PRELID2: variants seen among roughly 807,000 people sequenced by gnomAD.
PRELID2 encodes the protein PRELI domain-containing protein 2.
A neutral mutation model predicts 28.4 loss-of-function variants in PRELID2; 25 were observed. The observed-to-expected ratio is 0.88, with a 90% CI of 0.64 to 1.23. The LOEUF (loss-of-function observed/expected upper bound fraction) is 1.23, where lower values mean the gene tolerates loss of function less well. Ranked by LOEUF, PRELID2 falls within the 50% of genes most tolerant of loss-of-function variation. The pLI is 0.00. For missense variants in PRELID2, 201 were observed against 214.4 expected, an observed-to-expected ratio of 0.94 and a Z score of 0.39; for synonymous variants, 76 against 71.6, an observed-to-expected ratio of 1.06 and a Z score of -0.31.
In PRELID2 at chr5:145,603,437, T is replaced by C. The variant is rs545616229; in HGVS notation, n.71-130122A>G. Among the ~76,000 whole-genome samples the C allele has an allele frequency of 4.6e-5, 7 of 152,296 alleles. No homozygotes were observed. The South Asian group carries it at 6.2e-4, about 14-fold the overall frequency. The stretch of plus-strand genomic sequence containing the variant: ...TCTTCAATGTAGTGAAGTAAAATGA[T>C]TGACAACCTAAAATGTTCTACCAAG... On this transcript the variant is annotated intron_variant and non_coding_transcript_variant, in intron 1 of 2. Transcript: ENST00000510259.
intron 1 of PRELID2, among the ~76,000 whole-genome samples, chr5:145,666,597 C>T (rs982887341): frequency 6.6e-6 from 1 of 152,092 alleles, no homozygotes; most frequent in Non-Finnish European, 1.5e-5. Context: ...CCCTGTGGCA[C>T]AGCGCTCAAG....
At chr5:145,748,547 GC>G (rs1757051986) in intron 1 of PRELID2, among the ~76,000 whole-genome samples, 1 of 152,076 alleles carries the variant, frequency 6.6e-6, no homozygotes, top group Non-Finnish European at 1.5e-5. Flanking sequence ...TGGCCATACT[GC>G]CCCAAGTAAT....
chr5:145,769,231 ATTT>A (rs555098970), intron 5 of PRELID2, among the ~76,000 whole-genome samples: 69 of 151,894 alleles, frequency 4.5e-4, no homozygotes, highest in African/African-American at 1.6e-3. Flanking sequence ...CCCCTCTGAG[ATTT>A]TTTTTTCTCT....
chr5:145,834,206 G>A (rs1755787326), intron 1 of PRELID2, among the ~76,000 whole-genome samples: 3 of 152,162 alleles, frequency 2.0e-5, no homozygotes, highest in African/African-American at 7.2e-5. Flanking sequence ...AAGAAAAATA[G>A]CTCAGAGCAG....
chr5:145,740,285 TATATATATATATATATA>T (rs1756624503), intron 1 of PRELID2, among the ~76,000 whole-genome samples: 1 of 74,344 alleles, frequency 1.3e-5, no homozygotes, highest in Non-Finnish European at 2.8e-5. Context: ...TATATATATA[TATATATATATATATATA>T]TATATATATA....
At chr5:145,231,240 C>G in the PRELID2 span, among the ~76,000 whole-genome samples, 1 of 151,344 alleles carries the variant, frequency 6.6e-6, no homozygotes, top group Non-Finnish European at 1.5e-5. Context: ...TTTGTCATGA[C>G]TTTTGACATT....
At chr5:145,230,973 C>A in the PRELID2 span, among the ~76,000 whole-genome samples, 7 of 152,134 alleles carry the variant, frequency 4.6e-5, no homozygotes, top group African/African-American at 1.2e-4. Flanking sequence ...AAGGAGAAAG[C>A]CTTATATACC....
In PRELID2 at chr5:145,835,312, G is replaced by T; in HGVS notation, c.-61C>A. ...CTCCGCGAGCTCAGAGCTGCCCAGG[G>T]CTCCGCAGAGGCCCGGAGGCGCCCA... On this transcript the variant is annotated 5_prime_UTR_variant, in exon 1 of 7. Transcript: ENST00000683046. The T allele has an allele frequency of 1.7e-6, 2 of 1,211,522 alleles. No individual in the cohort carries two copies. Among genetic ancestry groups the T allele is most frequent in the Non-Finnish European group, 2.3e-6 (2 of 852,086 alleles). 75.0% of individuals were successfully genotyped at this position (1,211,522 alleles called of 1,614,324 possible). A position where few individuals can be genotyped will look rare whatever the true frequency, so the allele number is the denominator to read the frequency against.
chr5:145,259,332 G>T, the PRELID2 span, among the ~76,000 whole-genome samples: 15 of 152,266 alleles, frequency 9.9e-5, no homozygotes, highest in African/African-American at 3.6e-4. Context: ...CAAAGTGGTA[G>T]ATTCACTGAC....
At chr5:145,673,581 C>G (rs1754753742) in intron 1 of PRELID2, among the ~76,000 whole-genome samples, 1 of 152,014 alleles carries the variant, frequency 6.6e-6, no homozygotes, top group South Asian at 2.1e-4. Flanking sequence ...AACAACATAA[C>G]ACAACTGAGA....
In PRELID2 at chr5:145,685,712, A is replaced by G. The variant is rs116987663; in HGVS notation, n.70+79219T>C. 8.0e-4 allele frequency among the ~76,000 whole-genome samples: 122 copies of G among 152,302 alleles called. 1 individual carries two copies. The East Asian group carries it at 0.023, about 29-fold the overall frequency. ...AAACAATTGCCTGTAGTAAATATTA[A>G]GTCAGTACCACTGTAAAAAGCAGGA... On this transcript the variant is annotated intron_variant and non_coding_transcript_variant, in intron 1 of 2. Coordinates refer to the PRELID2 transcript ENST00000510259.
chr5:145,796,117 T>C (rs1233720690), intron 5 of PRELID2: 1 of 173,680 alleles, frequency 5.8e-6, no homozygotes, highest in Admixed American at 6.1e-5. Context: ...ATATTAACTA[T>C]CATTATCTTT....
At chr5:145,324,221 T>G in the PRELID2 span, among the ~76,000 whole-genome samples, 7 of 152,182 alleles carry the variant, frequency 4.6e-5, no homozygotes, top group Admixed American at 2.6e-4. Context: ...CTGTGGACAC[T>G]GTGGATGTCA....
intron 1 of PRELID2, among the ~76,000 whole-genome samples, chr5:145,553,820 G>A (rs548621966): frequency 8.5e-5 from 13 of 152,254 alleles, no homozygotes; most frequent in Non-Finnish European, 1.3e-4. Context: ...AATTGGATGC[G>A]GAGAAATTGA....
the PRELID2 span, among the ~76,000 whole-genome samples, chr5:145,426,114 T>C: frequency 1.3e-5 from 2 of 152,312 alleles, no homozygotes; most frequent in South Asian, 2.1e-4. Flanking sequence ...TTCTGGCAGA[T>C]GAGAGCTGGC....
chr5:145,632,972 T>G (rs935393962), intron 1 of PRELID2, among the ~76,000 whole-genome samples: 4 of 152,172 alleles, frequency 2.6e-5, no homozygotes, highest in African/African-American at 9.6e-5. Context: ...GAGGGCCATG[T>G]GGCACCGTGT....
At chr5:145,446,765 G>A in the PRELID2 span, among the ~76,000 whole-genome samples, 1 of 152,084 alleles carries the variant, frequency 6.6e-6, no homozygotes, top group Non-Finnish European at 1.5e-5. Context: ...GAAAATCTGA[G>A]GCCAGGAGCA....
chr5:145,556,163 GCGAGACTCTAT>G (rs950170130), intron 1 of PRELID2, among the ~76,000 whole-genome samples: 1 of 142,266 alleles, frequency 7.0e-6, no homozygotes, highest in Non-Finnish European at 1.5e-5. Context: ...GAGCAACAGA[GCGAGACTCTAT>G]CTCAAAAAAA....
intron 1 of PRELID2, among the ~76,000 whole-genome samples, chr5:145,550,690 A>C (rs1752826049): frequency 6.6e-6 from 1 of 152,344 alleles, no homozygotes; most frequent in South Asian, 2.1e-4. Flanking sequence ...GTAAATAAGA[A>C]ACTAGGAAAC....
Sources: gnomAD v4.1 joint callset for allele counts (sites outside exome capture counted in the v4.1 genomes callset) on GRCh38, gnomAD v4.1.1 for gene constraint, MANE v1.5 for transcripts, NCBI Gene and HGNC (gene_info 2026-07-23, HGNC 2026-07-21) for gene names.